Variants in NYAP2 observed in about 807,000 individuals in gnomAD.
NYAP2 encodes neuronal tyrosine-phosphorylated phosphoinositide-3-kinase adapter 2.
Under a neutral mutation model 50.4 loss-of-function variants are expected in NYAP2, and 23 were observed. The observed-to-expected ratio is 0.46, with a 90% CI of 0.33 to 0.65. The LOEUF (loss-of-function observed/expected upper bound fraction) is 0.65, where lower values mean the gene tolerates loss of function less well. NYAP2 is among the 30% of genes least tolerant of loss of function. The pLI, the probability that NYAP2 is intolerant of heterozygous loss-of-function variation, is 0.02. For missense variants in NYAP2, 885 were observed against 861.0 expected, an observed-to-expected ratio of 1.03 and a Z score of -0.35; for synonymous variants, 394 against 365.2, an observed-to-expected ratio of 1.08 and a Z score of -0.90.
intron 3 of NYAP2, among the ~76,000 whole-genome samples, chr2:225,413,616 G>T (rs144599398): frequency 1.9e-3 from 294 of 152,258 alleles, no homozygotes; most frequent in African/African-American, 6.5e-3. Context: ...TTTTGAGAAA[G>T]TCCATAGCAA....
the NYAP2 span, among the ~76,000 whole-genome samples, chr2:225,677,586 C>A: frequency 2.6e-5 from 4 of 152,008 alleles, no homozygotes; most frequent in Non-Finnish European, 5.9e-5. Flanking sequence ...TATGTTCCTG[C>A]AATGCTTAAT....
the NYAP2 span, among the ~76,000 whole-genome samples, chr2:225,666,159 A>C: frequency 2.6e-5 from 4 of 152,024 alleles, no homozygotes; most frequent in Non-Finnish European, 2.9e-5. Context: ...CCATGCGCTA[A>C]AGTCACCTAC....
intron 6 of NYAP2, among the ~76,000 whole-genome samples, chr2:225,645,026 A>T (rs559407997): frequency 6.6e-6 from 1 of 152,268 alleles, no homozygotes; most frequent in South Asian, 2.1e-4. Flanking sequence ...TTGGGAGGCC[A>T]AGGTGGGCAG....
intron 3 of NYAP2, among the ~76,000 whole-genome samples, chr2:225,451,480 C>T (rs1382469916): frequency 6.6e-6 from 1 of 152,042 alleles, no homozygotes; most frequent in Admixed American, 6.6e-5. Context: ...TGGCACAATG[C>T]CATCACTACT....
chr2:225,608,258 T>C (rs1380956267), intron 5 of NYAP2, among the ~76,000 whole-genome samples: 1 of 152,146 alleles, frequency 6.6e-6, no homozygotes, highest in Non-Finnish European at 1.5e-5. Context: ...GAAAAGGGTA[T>C]TTTAGAAGTT....
At chr2:225,573,312 C>T (rs141617083) in intron 4 of NYAP2, among the ~76,000 whole-genome samples, 7 of 150,218 alleles carry the variant, frequency 4.7e-5, no homozygotes, top group East Asian at 3.9e-4. Flanking sequence ...AGTGCAATGC[C>T]GTGATCTAGG....
the NYAP2 span, among the ~76,000 whole-genome samples, chr2:225,667,950 T>A: frequency 6.6e-6 from 1 of 152,156 alleles, no homozygotes; most frequent in South Asian, 2.1e-4. Flanking sequence ...TTCTAAACAA[T>A]CAAACTCAAA....
At chr2:225,543,110 C>G (rs962046753) in intron 4 of NYAP2, among the ~76,000 whole-genome samples, 42 of 151,830 alleles carry the variant, frequency 2.8e-4, no homozygotes, top group Non-Finnish European at 4.9e-4. Flanking sequence ...GTTGTAATAT[C>G]TTCTTTATCA....
At chr2:225,518,566 AT>A (rs1410201725) in intron 4 of NYAP2, among the ~76,000 whole-genome samples, 3,384 of 30,888 alleles carry the variant, frequency 0.11, 935 homozygotes, top group Non-Finnish European at 0.12. Context: ...ATATATATAT[AT>A]ATTAGCGTGT....
chr2:225,593,120 T>C (rs1692538457), intron 5 of NYAP2, among the ~76,000 whole-genome samples: 1 of 152,198 alleles, frequency 6.6e-6, no homozygotes. Flanking sequence ...AATTAAATAT[T>C]CAGTATAAGT....
At chr2:225,628,238 A>G (rs1693243748) in intron 6 of NYAP2, among the ~76,000 whole-genome samples, 1 of 151,840 alleles carries the variant, frequency 6.6e-6, no homozygotes, top group Non-Finnish European at 1.5e-5. Context: ...ATTTCAAAGT[A>G]TATTTTTGAT....
intron 4 of NYAP2, among the ~76,000 whole-genome samples, chr2:225,581,205 A>G (rs529363493): frequency 1.3e-5 from 2 of 152,342 alleles, no homozygotes; most frequent in East Asian, 3.9e-4. Context: ...AACACTCTTG[A>G]GGGCATTCTG....
At chr2:225,657,627 A>G (rs373373968), downstream of NYAP2, among the ~76,000 whole-genome samples, 63 of 152,170 alleles carry the variant, frequency 4.1e-4, no homozygotes, top group South Asian at 0.012. Flanking sequence ...GAAAGTAAAA[A>G]CAAAAACCAA....
At chr2:225,605,144 T>G (rs1460939597) in intron 5 of NYAP2, among the ~76,000 whole-genome samples, 1 of 152,236 alleles carries the variant, frequency 6.6e-6, no homozygotes, top group South Asian at 2.1e-4. Flanking sequence ...TTTCTCCCCA[T>G]GCATTAATAT....
At chr2:225,499,349 C>T (rs1222206219) in intron 3 of NYAP2, among the ~76,000 whole-genome samples, 2 of 150,558 alleles carry the variant, frequency 1.3e-5, no homozygotes, top group Non-Finnish European at 3.0e-5. Flanking sequence ...GAGTCTTGCT[C>T]TGTCACCCAG....
At chr2:225,435,293 G>A (rs1006364267) in intron 3 of NYAP2, among the ~76,000 whole-genome samples, 4 of 152,052 alleles carry the variant, frequency 2.6e-5, no homozygotes, top group East Asian at 3.8e-4. Context: ...GTAAAGAATC[G>A]GGTAAGAAAC....
intron 3 of NYAP2, among the ~76,000 whole-genome samples, chr2:225,421,866 C>T (rs937621646): frequency 2.0e-5 from 3 of 152,140 alleles, no homozygotes; most frequent in Non-Finnish European, 2.9e-5. Flanking sequence ...GAAAGAAATC[C>T]CATGACACTT....
chr2:225,482,388 G>A (rs1453076585), intron 3 of NYAP2, among the ~76,000 whole-genome samples: 1 of 152,100 alleles, frequency 6.6e-6, no homozygotes, highest in African/African-American at 2.4e-5. Context: ...GCTGCTTGCA[G>A]GTTCCTCTGC....
At chr2:225,685,510 AT>A in the NYAP2 span, among the ~76,000 whole-genome samples, 1 of 152,054 alleles carries the variant, frequency 6.6e-6, no homozygotes, top group Non-Finnish European at 1.5e-5. Flanking sequence ...TGCTCAGAGG[AT>A]TTTTTCTTTA....
Sources: allele counts gnomAD v4.1 joint callset (sites outside exome capture counted in the v4.1 genomes callset), GRCh38; gene constraint gnomAD v4.1.1; transcripts MANE v1.5; gene names NCBI Gene and HGNC (gene_info 2026-07-23, HGNC 2026-07-21).